Variants in CRACDL observed in about 807,000 individuals in gnomAD.
CRACDL encodes the protein CRACD-like protein.
Under a neutral mutation model 70.6 loss-of-function variants are expected in CRACDL, and 26 were observed. The observed-to-expected ratio is 0.37, with a 90% confidence interval of 0.27 to 0.51. CRACDL has a LOEUF of 0.51. Ranked by LOEUF, CRACDL falls within the 20% of genes least tolerant of loss-of-function variation. The probability of loss-of-function intolerance (pLI) is 0.94; values close to 1 mark genes in which losing one functional copy is unlikely to be tolerated. For synonymous variants in CRACDL, 618 were observed against 615.2 expected (o/e 1.00, Z -0.07); for missense variants, 1,283 against 1,376.9 (o/e 0.93, Z 1.08).
chr2:98,832,213 T>C (rs1399891242), intron 5 of CRACDL, 135 bp downstream of exon 5: 6 of 865,186 alleles, frequency 6.9e-6, no homozygotes, highest in Admixed American at 3.7e-5. Flanking sequence ...GGGCTGATTG[T>C]AGGCTCCAGT....
intron 1 of CRACDL, among the ~76,000 whole-genome samples, chr2:98,876,562 A>G (rs974022964): frequency 4.6e-5 from 7 of 152,202 alleles, no homozygotes; most frequent in Admixed American, 1.3e-4. Flanking sequence ...AATCTGGCTA[A>G]TCCCTGATGG....
At chr2:98,863,054 C>A (rs1707000303) in intron 1 of CRACDL, among the ~76,000 whole-genome samples, 1 of 151,898 alleles carries the variant, frequency 6.6e-6, no homozygotes, top group South Asian at 2.1e-4. Flanking sequence ...ATCCATTTAG[C>A]TCAATGAAAT....
intron 1 of CRACDL, among the ~76,000 whole-genome samples, chr2:98,922,310 C>A (rs1322904981): frequency 1.3e-5 from 2 of 151,716 alleles, no homozygotes; most frequent in Non-Finnish European, 2.9e-5. Context: ...CATGGTGGTG[C>A]ACGCCTGTAG....
chr2:98,823,685 T>C lies in CRACDL; in HGVS notation c.736-148A>G. The C allele has an allele frequency of 1.0e-6, 1 of 971,704 alleles. No homozygotes were observed. The highest frequency in any genetic ancestry group is 1.5e-6 in the Non-Finnish European group (1 of 647,468). The allele number at this position is 971,704 out of a possible 1,614,324, so 60.2% of individuals were successfully genotyped here. ...AGTAGGCATGTACCCACGGGTGTCT[T>C]TTCTCAGTCTGTATCCTACTGGTCT... is the stretch of plus-strand genomic sequence containing the variant. On this transcript the variant is annotated intron_variant, in intron 6 of 9. Transcript: ENST00000397899. The surrounding 1 kb of genome is among the most constrained non-coding windows in gnomAD (Gnocchi z 4.0).
chr2:98,810,443 G>C (rs900545025), intron 7 of CRACDL, among the ~76,000 whole-genome samples: 12 of 152,298 alleles, frequency 7.9e-5, no homozygotes, highest in Middle Eastern at 6.8e-3. Context: ...CCCACGACCT[G>C]GGAAGAAAGG....
At chr2:98,881,513 T>C (rs1344749763) in intron 1 of CRACDL, among the ~76,000 whole-genome samples, 1 of 152,148 alleles carries the variant, frequency 6.6e-6, no homozygotes, top group Admixed American at 6.5e-5. Flanking sequence ...CTGCTGGCAG[T>C]GGGGCAAGGG....
chr2:98,931,411 T>C (rs958636418), intron 1 of CRACDL, among the ~76,000 whole-genome samples: 2 of 151,646 alleles, frequency 1.3e-5, no homozygotes, highest in Admixed American at 6.6e-5. Context: ...GCAACCTCTC[T>C]GACATTTTCT....
At chr2:98,796,017 T>C in intron 9 of CRACDL, 103 bp downstream of exon 9, 1 of 1,059,826 alleles carries the variant, frequency 9.4e-7, no homozygotes, top group Non-Finnish European at 1.5e-6. Context: ...AAACTCAATG[T>C]TGCAAGTAAT....
chr2:98,889,327 G>GAAAGAA (rs1707899189), intron 1 of CRACDL, among the ~76,000 whole-genome samples: 1 of 97,454 alleles, frequency 1.0e-5, no homozygotes, highest in South Asian at 2.6e-4. Context: ...AAGAAAGAAA[G>GAAAGAA]AAAGAAAGAA....
chr2:98,819,666 T>C (rs1174793059), intron 7 of CRACDL, among the ~76,000 whole-genome samples: 2 of 150,634 alleles, frequency 1.3e-5, no homozygotes, highest in African/African-American at 5.0e-5. Context: ...GATTAGACTA[T>C]TTTGGAACTG....
chr2:98,858,875 A>G (rs937469311), intron 1 of CRACDL, among the ~76,000 whole-genome samples: 3 of 152,208 alleles, frequency 2.0e-5, no homozygotes, highest in Non-Finnish European at 4.4e-5. Flanking sequence ...TATGCCAAAA[A>G]ATTAGACAAC....
At chr2:98,847,764 C>T (rs186570178) in intron 1 of CRACDL, among the ~76,000 whole-genome samples, 2 of 152,162 alleles carry the variant, frequency 1.3e-5, no homozygotes, top group Admixed American at 6.5e-5. Flanking sequence ...TTAGGTATGA[C>T]GAATCCTCAC....
intron 1 of CRACDL, among the ~76,000 whole-genome samples, chr2:98,895,894 G>C (rs1390074416): frequency 6.6e-6 from 1 of 152,160 alleles, no homozygotes; most frequent in Non-Finnish European, 1.5e-5. Flanking sequence ...AGAGAACCCA[G>C]AGAGCTCGCT....
intron 6 of CRACDL, among the ~76,000 whole-genome samples, chr2:98,824,297 C>T (rs536654685): frequency 6.7e-6 from 1 of 149,602 alleles, no homozygotes; most frequent in African/African-American, 2.5e-5. Flanking sequence ...ACCCCCCTGC[C>T]CCCAACCTCC....
At chr2:98,799,738 C>T (rs1703994505) in intron 7 of CRACDL, among the ~76,000 whole-genome samples, 1 of 152,180 alleles carries the variant, frequency 6.6e-6, no homozygotes, top group African/African-American at 2.4e-5. Context: ...CACGAGTTGA[C>T]ACCACTCCTT....
intron 1 of CRACDL, among the ~76,000 whole-genome samples, chr2:98,890,961 G>A (rs868063865): frequency 9.9e-5 from 15 of 152,180 alleles, no homozygotes; most frequent in Admixed American, 3.9e-4. Flanking sequence ...GGAGGCTGAG[G>A]CAAGAGAATT....
chr2:98,838,137 T>G lies in CRACDL; in HGVS notation c.221A>C (p.Asp74Ala). Residue 74 changes from aspartate (D) to alanine (A), a missense_variant, in exon 3 of 10, where the codon GAC (aspartate) becomes GCC (alanine). This residue lies in a region of CRACDL where 362 missense variants were observed against 495.0 expected (regional missense o/e 0.73). Coordinates refer to ENST00000397899, the MANE Select transcript of CRACDL (RefSeq NM_207362.3). ...AACTTACTCCAGCTCATCCTCGGAGTCGTAGCCCACTGGCCCGGATTCGAT... is the reference window on the plus strand; with the variant it reads ...AACTTACTCCAGCTCATCCTCGGAGGCGTAGCCCACTGGCCCGGATTCGAT... ...IAIESGPVGYDSEDELEESRG... is the reference protein window; with the variant it reads ...IAIESGPVGYASEDELEESRG... 1 of 1,602,154 alleles carries G rather than the reference T, an allele frequency of 6.2e-7. No homozygotes were observed. The highest frequency in any genetic ancestry group is 1.1e-5 in the South Asian group (1 of 89,100).
intron 1 of CRACDL, among the ~76,000 whole-genome samples, chr2:98,848,736 G>A (rs574533711): frequency 1.6e-4 from 24 of 152,228 alleles, no homozygotes; most frequent in East Asian, 7.7e-4. Context: ...ACAGGCCCAC[G>A]CCACCACACT....
At chr2:98,857,569 A>G (rs961935403) in intron 1 of CRACDL, among the ~76,000 whole-genome samples, 3 of 152,186 alleles carry the variant, frequency 2.0e-5, no homozygotes, top group African/African-American at 7.2e-5. Flanking sequence ...AAATAGAATT[A>G]AAAATCAATA....
Sources: allele counts gnomAD v4.1 joint callset (sites outside exome capture counted in the v4.1 genomes callset), GRCh38; gene constraint gnomAD v4.1.1; regional missense constraint gnomAD v4.1.1; non-coding constraint Gnocchi (gnomAD v3.1); transcripts MANE v1.5; gene names NCBI Gene and HGNC (gene_info 2026-07-23, HGNC 2026-07-21).